AP2A1: variants seen among roughly 807,000 people sequenced by gnomAD.
AP2A1 encodes the protein AP-2 complex subunit alpha-1.
In AP2A1, 21 loss-of-function variants were observed where a neutral mutation model predicts 107.3. The observed-to-expected ratio is 0.20, with a 90% CI of 0.14 to 0.28. The LOEUF (loss-of-function observed/expected upper bound fraction) is 0.28, where lower values mean the gene tolerates loss of function less well. AP2A1 is among the 10% of genes least tolerant of loss of function. The pLI is 1.00. For synonymous variants in AP2A1, 602 were observed against 564.8 expected (o/e 1.07, Z -0.93); for missense variants, 873 against 1,307.7 (o/e 0.67, Z 5.13).
Position 49,799,968 on chromosome 19 carries a change from G to A in AP2A1, c.1273G>A (p.Val425Ile), listed in dbSNP as rs1251898242. ...TADYAIREEI[V>I]LKVAILAEKY... ...TCTCTCTCACACGCCCCGGCGGCAG[G>A]TCCTGAAGGTGGCCATCCTGGCCGA... is the stretch of plus-strand genomic sequence containing the variant. Residue 425 changes from valine (V) to isoleucine (I), a missense_variant and splice_region_variant, in exon 11 of 23, where the codon GTC (valine) becomes ATC (isoleucine). Physicochemically the swap from Val to Ile is conservative, Grantham distance 29 (BLOSUM62 3). Coordinates refer to ENST00000354293, the MANE Select transcript of AP2A1 (RefSeq NM_130787.3). 1 of 1,613,112 alleles carries A rather than the reference G, an allele frequency of 6.2e-7. No homozygotes were observed. Among genetic ancestry groups the A allele is most frequent in the Non-Finnish European group, 8.5e-7 (1 of 1,179,260 alleles).
At position 49,767,067 on chromosome 19, in the gene AP2A1, C is replaced by A. The variant is rs1349961629; in HGVS notation, c.-67C>A. ...TGCCTGGGGTCCTTTCCGCCCGGTCCCCGCTTGCCAGCCCCCGCTGCTCTG... is the reference window on the plus strand; with the variant it reads ...TGCCTGGGGTCCTTTCCGCCCGGTCACCGCTTGCCAGCCCCCGCTGCTCTG... On this transcript the variant is annotated 5_prime_UTR_variant, in exon 1 of 23. Transcript: ENST00000354293. 5.2e-6 allele frequency: 8 copies of A among 1,530,356 alleles called. No individual in the cohort carries two copies. The highest frequency in any genetic ancestry group is 7.0e-6 in the Non-Finnish European group (8 of 1,140,064). 94.8% of individuals were successfully genotyped at this position (1,530,356 alleles called of 1,614,324 possible).
chr19:49,803,345 C>A lies in AP2A1; in HGVS notation c.2313C>A (p.Pro771=). 1 of 1,613,926 alleles carries A rather than the reference C, an allele frequency of 6.2e-7. No individual in the cohort carries two copies. The highest frequency in any genetic ancestry group is 1.1e-5 in the South Asian group (1 of 91,078). The part of the protein sequence containing the change: ...KTSVQFQNFS[P]TVVHPGDLQT... ...CGGTGCAGTTCCAGAATTTCTCACC[C>A]ACTGTGGTTCACCCGGGAGACCTCC... Residue 771 remains proline (P), a synonymous_variant, in exon 18 of 23, where the codon CCC becomes CCA. Transcript: ENST00000354293.
In AP2A1 at chr19:49,798,799, C is replaced by A; in HGVS notation, c.815-3C>A. The A allele has an allele frequency of 6.2e-7, 1 of 1,603,922 alleles. No homozygotes were observed. Among genetic ancestry groups the A allele is most frequent in the East Asian group, 2.2e-5 (1 of 44,450 alleles). On this transcript the variant is annotated splice_region_variant and splice_polypyrimidine_tract_variant and intron_variant, in intron 7 of 22. Transcript: ENST00000354293. The stretch of plus-strand genomic sequence containing the variant: ...GCCGGGGGCGTCCCCTTCGTTTCCC[C>A]AGAGGATGCGGCTGTGAAGGGGCGG...
chr19:49,793,826 G>A (rs527471693), intron 6 of AP2A1, among the ~76,000 whole-genome samples: 1 of 152,032 alleles, frequency 6.6e-6, no homozygotes, highest in Non-Finnish European at 1.5e-5. Context: ...GCATCTCCTG[G>A]GCAGTCAGGA....
Position 49,799,408 on chromosome 19 carries a change from C to G in AP2A1, c.1047C>G (p.Ala349=), listed in dbSNP as rs973318690. Residue 349 remains alanine, a synonymous_variant, in exon 9 of 23, where the codon GCC becomes GCG. Transcript: ENST00000354293. ...QHRETNLRYL[A]LESMCTLASS... ...GGGAGACCAACCTGCGCTACCTGGC[C>G]CTGGAGAGCATGTGCACGCTGGCCA... 4 of 1,612,490 alleles carry G rather than the reference C, an allele frequency of 2.5e-6. No homozygotes were observed. The African/African-American group carries it at 4.0e-5, about 16-fold the overall frequency.
intron 8 of AP2A1, 99 bp downstream of exon 8, chr19:49,799,051 G>C: frequency 2.7e-6 from 4 of 1,461,824 alleles, no homozygotes; most frequent in Non-Finnish European, 3.7e-6. Flanking sequence ...AGGGAATCTT[G>C]ACTTTTAGGT....
chr19:49,806,736 A>T lies in AP2A1; in HGVS notation c.2846A>T (p.Glu949Val). The T allele has an allele frequency of 6.2e-7, 1 of 1,613,540 alleles. No individual in the cohort carries two copies. Among genetic ancestry groups the T allele is most frequent in the Non-Finnish European group, 8.5e-7 (1 of 1,179,834 alleles). ...SKEPVSRHLCELLAQQF is the reference protein window; with the variant it reads ...SKEPVSRHLCVLLAQQF ...GAGCCCGTCTCCCGTCACCTGTGTG[A>T]GCTGCTGGCACAGCAGTTCTGAGCC... The change falls in exon 23 of 23, where the codon GAG becomes GTG. Residue 949 changes from glutamate (E) to valine (V), a missense_variant. Around this residue, in one of 4 missense-constraint regions of AP2A1, gnomAD observed 416 missense variants for 473.4 expected, o/e 0.88. Coordinates refer to ENST00000354293, the MANE Select transcript of AP2A1 (RefSeq NM_130787.3).
rs991635681 is a variant in AP2A1 at position 49,788,236 on chromosome 19, A to G, written c.474-3699A>G. Among the ~76,000 whole-genome samples, 2 of 152,230 alleles carry G rather than the reference A, an allele frequency of 1.3e-5. No homozygotes were observed. The highest frequency in any genetic ancestry group is 2.9e-5 in the Non-Finnish European group (2 of 68,040). ...AGTGCTGAGATTACAGGCGTGAGCC[A>G]CCGCGCCTGACTTGTGGTTTTATTT... On this transcript the variant is annotated intron_variant, in intron 4 of 22. Coordinates refer to ENST00000354293, the MANE Select transcript of AP2A1 (RefSeq NM_130787.3). This position sits in a 1 kb window ranked among gnomAD's most constrained non-coding sequence, Gnocchi z 4.5.
At chr19:49,783,404 TCTC>T (rs2084700918) in intron 4 of AP2A1, among the ~76,000 whole-genome samples, 1 of 151,990 alleles carries the variant, frequency 6.6e-6, no homozygotes, top group African/African-American at 2.4e-5. Flanking sequence ...GGTGGGAGGA[TCTC>T]CTGAGCTGGG....
At position 49,805,495 on chromosome 19, in the gene AP2A1, G is replaced by A. The variant is rs1416000482; in HGVS notation, c.2387G>A (p.Gly796Asp). 6.4e-7 allele frequency: 1 copy of A among 1,555,412 alleles called. No homozygotes were observed. The highest frequency in any genetic ancestry group is 1.4e-5 in the African/African-American group (1 of 73,306). The part of the protein sequence containing the change: ...QTKRVAAQVD[G>D]GAQVQQVLNI... Reference sequence around the variant, plus strand: ...AAGCGCGTGGCGGCGCAGGTGGACGGCGGCGCGCAGGTGCAGCAGGTGCTC... The same window carrying A: ...AAGCGCGTGGCGGCGCAGGTGGACGACGGCGCGCAGGTGCAGCAGGTGCTC... The change falls in exon 19 of 23, where the codon GGC (glycine) becomes GAC (aspartate). Residue 796 changes from glycine (G) to aspartate (D), a missense_variant. Transcript: ENST00000354293.
chr19:49,801,802 AG>A lies in AP2A1; in HGVS notation c.1870del (p.Ala624ProfsTer99). The A allele has an allele frequency of 6.4e-7, 1 of 1,557,022 alleles. No homozygotes were observed. Among genetic ancestry groups the A allele is most frequent in the Non-Finnish European group, 8.7e-7 (1 of 1,154,726 alleles). On this transcript the variant is annotated frameshift_variant, in exon 14 of 23. Coordinates refer to ENST00000354293, the MANE Select transcript of AP2A1 (RefSeq NM_130787.3). LOFTEE classifies it high-confidence loss of function. ...CCAAGCTGAAACGCAAGAAGGGGCC[AG>A]GGGCCGGCAGCGCCCTGGACGATGG... The part of the protein sequence containing the change: ...LAKLKRKKGP[G>X]AGSALDDGRR...
chr19:49,802,383 C>T (rs1198405307), intron 15 of AP2A1: 13 of 930,518 alleles, frequency 1.4e-5, no homozygotes, highest in Non-Finnish European at 1.7e-5. Context: ...TTCCTGTCAC[C>T]GTTTCTCAGC....
intron 7 of AP2A1, chr19:49,796,167 ACTGCT>A: frequency 5.3e-6 from 1 of 187,426 alleles, no homozygotes. Flanking sequence ...ACCTTCCCCT[ACTGCT>A]CACAGTCACA....
Position 49,806,661 on chromosome 19 carries a change from C to T in AP2A1, c.2791-20C>T. 6.2e-7 allele frequency: 1 copy of T among 1,611,998 alleles called. No homozygotes were observed. On this transcript the variant is annotated intron_variant, in intron 22 of 22. Coordinates refer to ENST00000354293, the MANE Select transcript of AP2A1 (RefSeq NM_130787.3). ...GGCTCCCCATCTCCTCTGAGTTCTG[C>T]CCCCAATGCCCCCACCCAGATGTAC...
chr19:49,800,284 C>A, intron 11 of AP2A1, 134 bp downstream of exon 11: 2 of 1,141,622 alleles, frequency 1.8e-6, no homozygotes, highest in Non-Finnish European at 2.4e-6. Context: ...CAAAATGGGG[C>A]CTCTGCCTCT....
At chr19:49,802,689 G>A (rs2073305044) in intron 15 of AP2A1, 1 of 1,300,944 alleles carries the variant, frequency 7.7e-7, no homozygotes, top group Non-Finnish European at 1.0e-6. Context: ...CCTCGTCAAC[G>A]GGTTCCTGAT....
At chr19:49,786,005 G>C in intron 4 of AP2A1, among the ~76,000 whole-genome samples, 1 of 151,710 alleles carries the variant, frequency 6.6e-6, no homozygotes, top group Non-Finnish European at 1.5e-5. Flanking sequence ...GCATAAACCC[G>C]GGGGGCAGAG....
rs1231360108 is a variant in AP2A1 at position 49,782,038 on chromosome 19, C to T, written c.228C>T (p.His76=). Residue 76 remains histidine, a synonymous_variant, in exon 3 of 23, where the codon CAC becomes CAT. Transcript: ENST00000354293. ...FLLGHDIDFG[H]MEAVNLLSSN... ...TTGGCCATGACATTGACTTTGGGCA[C>T]ATGGAGGCTGTGAATCTGTTGAGTT... is the stretch of plus-strand genomic sequence containing the variant. 1 of 1,590,106 alleles carries T rather than the reference C, an allele frequency of 6.3e-7. No homozygotes were observed. The highest frequency in any genetic ancestry group is 8.6e-7 in the Non-Finnish European group (1 of 1,167,884).
At chr19:49,802,559 A>C in intron 15 of AP2A1, 1 of 1,604,900 alleles carries the variant, frequency 6.2e-7, no homozygotes, top group Non-Finnish European at 8.5e-7. Context: ...TGCCCCCGAG[A>C]GCCCCATGGC....
Sources: gnomAD v4.1 joint callset for allele counts (sites outside exome capture counted in the v4.1 genomes callset) on GRCh38, gnomAD v4.1.1 for gene constraint, gnomAD v4.1.1 regional missense constraint, Gnocchi (gnomAD v3.1) non-coding constraint, MANE v1.5 for transcripts, NCBI Gene and HGNC (gene_info 2026-07-23, HGNC 2026-07-21) for gene names.